Variants in TNS3 observed in about 807,000 individuals in gnomAD.
The protein encoded by TNS3 is tensin-3.
A neutral mutation model predicts 140.9 loss-of-function variants in TNS3; 45 were observed. That is an observed-to-expected ratio of 0.32 (90% CI 0.25 to 0.41). TNS3 has a LOEUF of 0.41. TNS3 is among the 10% of genes least tolerant of loss of function. The probability of loss-of-function intolerance (pLI) is 1.00; values close to 1 mark genes in which losing one functional copy is unlikely to be tolerated. For missense variants in TNS3, 1,716 were observed against 1,906.7 expected, an observed-to-expected ratio of 0.90 and a Z score of 1.86; for synonymous variants, 815 against 788.4, an observed-to-expected ratio of 1.03 and a Z score of -0.56.
At chr7:47,566,401 CAT>C (rs763877063) in intron 1 of TNS3, among the ~76,000 whole-genome samples, 27 of 152,288 alleles carry the variant, frequency 1.8e-4, no homozygotes, top group East Asian at 7.7e-4. Context: ...AAAAGGCACA[CAT>C]GTTTGTTTTG....
At chr7:47,538,278 T>TA (rs1390508486) in intron 1 of TNS3, among the ~76,000 whole-genome samples, 1 of 151,922 alleles carries the variant, frequency 6.6e-6, no homozygotes, top group East Asian at 1.9e-4. Flanking sequence ...GTGGCAAGTC[T>TA]AAAACTAAAA....
intron 4 of TNS3, chr7:47,453,250 A>G (rs1796104631): frequency 3.0e-6 from 3 of 985,510 alleles, no homozygotes; most frequent in Non-Finnish European, 3.6e-6. Flanking sequence ...CCAGCCTGCC[A>G]AGGGCCTGAG....
intron 16 of TNS3, among the ~76,000 whole-genome samples, chr7:47,370,919 A>G (rs902785926): frequency 2.6e-5 from 4 of 152,248 alleles, no homozygotes; most frequent in African/African-American, 9.6e-5. Context: ...CATGGTCAGC[A>G]GCTGCTGGCC....
intron 4 of TNS3, among the ~76,000 whole-genome samples, chr7:47,452,551 T>C (rs971400020): frequency 5.3e-5 from 8 of 152,182 alleles, no homozygotes; most frequent in Non-Finnish European, 8.8e-5. Flanking sequence ...AGTCACAGGA[T>C]CCTGCCTCCC....
Position 47,385,433 on chromosome 7 carries a change from C to A in TNS3, c.1024+11367G>T, listed in dbSNP as rs560058212. Among the ~76,000 whole-genome samples the A allele has an allele frequency of 6.6e-5, 10 of 152,306 alleles. No individual in the cohort carries two copies. The South Asian group carries it at 1.9e-3, about 28-fold the overall frequency. ...TTCCAGCCCTGTCCTGGCCTCTGCA[C>A]GGAGCTGTGCCATCCAATTCAGCTC... On this transcript the variant is annotated intron_variant, in intron 16 of 30. Transcript: ENST00000311160.
chr7:47,431,106 A>C (rs1371286521), intron 8 of TNS3, among the ~76,000 whole-genome samples: 1 of 152,226 alleles, frequency 6.6e-6, no homozygotes, highest in Non-Finnish European at 1.5e-5. Flanking sequence ...GTTTATGGAA[A>C]TAAAACAACA....
chr7:47,413,478 A>C (rs1264509303), intron 12 of TNS3, among the ~76,000 whole-genome samples: 1 of 151,504 alleles, frequency 6.6e-6, no homozygotes, highest in African/African-American at 2.4e-5. Context: ...GGTGGCTCAC[A>C]TCTGTAATCC....
intron 17 of TNS3, among the ~76,000 whole-genome samples, chr7:47,351,031 G>A (rs369071232): frequency 5.3e-5 from 8 of 152,156 alleles, no homozygotes; most frequent in South Asian, 2.1e-4. Context: ...ATATTTTTTC[G>A]GAAATGTTTC....
intron 2 of TNS3, among the ~76,000 whole-genome samples, chr7:47,513,315 G>A (rs982627224): frequency 2.0e-5 from 3 of 152,028 alleles, no homozygotes; most frequent in Admixed American, 6.6e-5. Context: ...GACCATTGGC[G>A]CGTGCCACTG....
intron 20 of TNS3, among the ~76,000 whole-genome samples, chr7:47,312,142 C>G (rs1787140336): frequency 6.6e-6 from 1 of 152,208 alleles, no homozygotes; most frequent in Non-Finnish European, 1.5e-5. Context: ...GTCATGAATA[C>G]ATGTGCACGT....
chr7:47,340,365 C>T (rs1436028520), intron 20 of TNS3, among the ~76,000 whole-genome samples: 1 of 151,006 alleles, frequency 6.6e-6, no homozygotes, highest in Non-Finnish European at 1.5e-5. Flanking sequence ...TCGTGATCTG[C>T]CCACCCCTGC....
intron 2 of TNS3, among the ~76,000 whole-genome samples, chr7:47,525,512 A>T (rs917245733): frequency 2.0e-5 from 3 of 152,228 alleles, no homozygotes; most frequent in African/African-American, 7.2e-5. Context: ...TTTCAAGAAC[A>T]AAAGCTGCTC....
chr7:47,302,217 G>C lies in TNS3; in HGVS notation c.3513C>G (p.Phe1171Leu). Residue 1171 changes from phenylalanine to leucine, a missense_variant, in exon 23 of 31, where the codon TTC (phenylalanine) becomes TTG (leucine). Physicochemically the swap from Phe to Leu is conservative, Grantham distance 22. Transcript: ENST00000311160. ...CTCTTGAAATATCCGCCTTGTACCA[G>C]AACTTGGAAGTGTCTTGAACAAATT... Reference protein sequence around the residue: ...IVKFVQDTSKFWYKADISREQ... With the variant: ...IVKFVQDTSKLWYKADISREQ... 6.2e-7 allele frequency: 1 copy of C among 1,614,216 alleles called. No individual in the cohort carries two copies. The highest frequency in any genetic ancestry group is 1.1e-5 in the South Asian group (1 of 91,080).
intron 13 of TNS3, among the ~76,000 whole-genome samples, chr7:47,401,945 T>G (rs1194181866): frequency 6.6e-6 from 1 of 152,220 alleles, no homozygotes; most frequent in African/African-American, 2.4e-5. Context: ...TGTGGGGTAG[T>G]GACTACCAGA....
intron 20 of TNS3, among the ~76,000 whole-genome samples, chr7:47,344,264 G>A (rs1789188964): frequency 6.6e-6 from 1 of 152,142 alleles, no homozygotes; most frequent in Non-Finnish European, 1.5e-5. Flanking sequence ...ACAGACGGAC[G>A]CGATCAGGCC....
chr7:47,478,533 A>T (rs1797280380), intron 4 of TNS3, among the ~76,000 whole-genome samples: 3 of 152,164 alleles, frequency 2.0e-5, no homozygotes, highest in Non-Finnish European at 4.4e-5. Context: ...ATACCCTCAG[A>T]TATATAACAA....
At chr7:47,394,750 T>A (rs992450869) in intron 16 of TNS3, among the ~76,000 whole-genome samples, 4 of 152,222 alleles carry the variant, frequency 2.6e-5, no homozygotes, top group African/African-American at 9.6e-5. Context: ...CTCAACTGAT[T>A]TTCTGTCTAT....
chr7:47,331,841 G>T (rs1273803959), intron 20 of TNS3, among the ~76,000 whole-genome samples: 1 of 152,198 alleles, frequency 6.6e-6, no homozygotes, highest in Non-Finnish European at 1.5e-5. Flanking sequence ...TCACTAAAAT[G>T]TGATAGAATT....
intron 2 of TNS3, among the ~76,000 whole-genome samples, chr7:47,521,857 G>A (rs761763096): frequency 2.6e-5 from 4 of 152,138 alleles, no homozygotes; most frequent in Admixed American, 2.0e-4. Flanking sequence ...TCCCAGAGCC[G>A]TTCTCTGAGT....
Sources: allele counts gnomAD v4.1 joint callset (sites outside exome capture counted in the v4.1 genomes callset), GRCh38; gene constraint gnomAD v4.1.1; transcripts MANE v1.5; gene names NCBI Gene and HGNC (gene_info 2026-07-23, HGNC 2026-07-21).